ANKMY1: variants seen among roughly 807,000 people sequenced by gnomAD.
ANKMY1 encodes the protein ankyrin repeat and MYND domain-containing protein 1.
Under a neutral mutation model 102.0 loss-of-function variants are expected in ANKMY1, and 98 were observed. The ratio of observed to expected loss-of-function variants is 0.96; its 90% confidence interval spans 0.82 to 1.14. The LOEUF is 1.14. Ranked by LOEUF, ANKMY1 falls within the 50% of genes most tolerant of loss-of-function variation. The pLI, the probability that ANKMY1 is intolerant of heterozygous loss-of-function variation, is 0.00. For missense variants in ANKMY1, 1,330 were observed against 1,347.6 expected (o/e 0.99, Z 0.20); for synonymous variants, 582 against 559.9 (o/e 1.04, Z -0.56).
At chr2:240,510,270 T>TC (rs1411820451) in intron 11 of ANKMY1, among the ~76,000 whole-genome samples, 2 of 117,204 alleles carry the variant, frequency 1.7e-5, no homozygotes, top group Admixed American at 8.8e-5. Context: ...CCTCCCTGCC[T>TC]CCTGCCCTCC....
Position 240,552,646 on chromosome 2 carries a change from GT to G in ANKMY1, c.480+267del, listed in dbSNP as rs1438737357. On this transcript the variant is annotated intron_variant, in intron 4 of 17. Coordinates refer to ENST00000401804, the MANE Select transcript of ANKMY1 (RefSeq NM_001282771.3). ...CAAACATTATGTGTACAGTGATCCA[GT>G]TTACATATTTAAAAATAAACACGTG... is the stretch of plus-strand genomic sequence containing the variant. 1.1e-5 allele frequency: 5 copies of G among 469,752 alleles called. No homozygotes were observed. The East Asian group carries it at 2.2e-4, about 20-fold the overall frequency. 29.1% of individuals were successfully genotyped at this position (469,752 alleles called of 1,614,324 possible).
downstream of ANKMY1, among the ~76,000 whole-genome samples, chr2:240,476,396 A>C (rs2074852862): frequency 6.6e-6 from 1 of 152,236 alleles, no homozygotes; most frequent in Non-Finnish European, 1.5e-5. Context: ...CTCTGCTCAA[A>C]AGATGCCAAC....
intron 3 of ANKMY1, 124 bp downstream of exon 3, chr2:240,554,742 A>T (rs997025611): frequency 1.9e-5 from 22 of 1,134,924 alleles, no homozygotes; most frequent in Non-Finnish European, 2.6e-5. Context: ...AGGAGGAAAA[A>T]CTTTAGCCTA....
At position 240,529,895 on chromosome 2, in the gene ANKMY1, T is replaced by A. The variant is rs889213202; in HGVS notation, c.481-386A>T. ...GGCAGCAGTGGGTGGGGAGGAAGTA[T>A]GCAGGCAGCAGGTCAGGTATGACCC... On this transcript the variant is annotated intron_variant, in intron 4 of 17. Coordinates refer to ENST00000401804, the MANE Select transcript of ANKMY1 (RefSeq NM_001282771.3). This position sits in a 1 kb window ranked among gnomAD's most constrained non-coding sequence, Gnocchi z 4.2. 6.6e-6 allele frequency among the ~76,000 whole-genome samples: 1 copy of A among 151,140 alleles called. No individual in the cohort carries two copies. Among genetic ancestry groups the A allele is most frequent in the African/African-American group, 2.4e-5 (1 of 41,018 alleles).
intron 4 of ANKMY1, among the ~76,000 whole-genome samples, chr2:240,549,478 C>G (rs1291620950): frequency 2.6e-5 from 4 of 152,136 alleles, no homozygotes; most frequent in Admixed American, 6.5e-5. Flanking sequence ...TCTAAAACAC[C>G]AAAAGCAATG....
At chr2:240,483,479 G>A (rs1357765736) in intron 15 of ANKMY1, among the ~76,000 whole-genome samples, 1 of 152,104 alleles carries the variant, frequency 6.6e-6, no homozygotes, top group Non-Finnish European at 1.5e-5. Context: ...TTTATCATGT[G>A]TCTCCTGTAA....
intron 4 of ANKMY1, among the ~76,000 whole-genome samples, chr2:240,544,430 C>G (rs1258691338): frequency 6.6e-6 from 1 of 152,076 alleles, no homozygotes; most frequent in Non-Finnish European, 1.5e-5. Flanking sequence ...TCTTTAAAAC[C>G]TGATAGAACA....
chr2:240,539,685 A>G (rs1249398943), intron 4 of ANKMY1, among the ~76,000 whole-genome samples: 1 of 152,162 alleles, frequency 6.6e-6, no homozygotes, highest in Non-Finnish European at 1.5e-5. Flanking sequence ...AAAGGAACCA[A>G]CTCCTGGAAC....
chr2:240,557,054 T>G, intron 2 of ANKMY1, 136 bp downstream of exon 2: 2 of 1,051,936 alleles, frequency 1.9e-6, no homozygotes, highest in South Asian at 5.8e-5. Flanking sequence ...TGTTGAGGCT[T>G]TCAGATTTCT....
At chr2:240,504,534 G>A (rs1167850519) in intron 13 of ANKMY1, among the ~76,000 whole-genome samples, 2 of 151,726 alleles carry the variant, frequency 1.3e-5, no homozygotes, top group Non-Finnish European at 2.9e-5. Flanking sequence ...ACCCGATAAG[G>A]GATTAACATC....
Position 240,554,894 on chromosome 2 carries a change from T to C in ANKMY1, c.308A>G (p.Tyr103Cys), listed in dbSNP as rs747292915. 9 of 1,614,098 alleles carry C rather than the reference T, an allele frequency of 5.6e-6. No individual in the cohort carries two copies. The highest frequency in any genetic ancestry group is 7.6e-6 in the Non-Finnish European group (9 of 1,179,998). Reference protein sequence around the residue: ...GEFGLNMKLGYGKFSWPTGES... With the variant: ...GEFGLNMKLGCGKFSWPTGES... Reference sequence around the variant, plus strand: ...GCCTGTGGGCCAAGAGAATTTGCCATATCCAAGCTTCATGTTCAACCCAAA... The same window carrying C: ...GCCTGTGGGCCAAGAGAATTTGCCACATCCAAGCTTCATGTTCAACCCAAA... Residue 103 changes from tyrosine (Y) to cysteine (C), a missense_variant, in exon 3 of 18, where the codon TAT (tyrosine) becomes TGT (cysteine). Transcript: ENST00000401804.
In ANKMY1 at chr2:240,479,545, C is replaced by T; in HGVS notation, c.*64G>A. On this transcript the variant is annotated 3_prime_UTR_variant, in exon 18 of 18. Coordinates refer to ENST00000401804, the MANE Select transcript of ANKMY1 (RefSeq NM_001282771.3). ...GGCTGGAAGATTCCCTGAGGTGGCT[C>T]AGGCAGGTAAGAAACCCACACAGTC... The T allele has an allele frequency of 1.3e-6, 2 of 1,571,788 alleles. No individual in the cohort carries two copies. Among genetic ancestry groups the T allele is most frequent in the Non-Finnish European group, 1.7e-6 (2 of 1,143,284 alleles).
chr2:240,493,200 G>C (rs2076847727), intron 15 of ANKMY1, among the ~76,000 whole-genome samples: 1 of 151,944 alleles, frequency 6.6e-6, no homozygotes. Flanking sequence ...GGTGGTGCAT[G>C]CCTGTAATCC....
chr2:240,549,819 C>T (rs1284628090), intron 4 of ANKMY1, among the ~76,000 whole-genome samples: 2 of 152,106 alleles, frequency 1.3e-5, no homozygotes, highest in Non-Finnish European at 2.9e-5. Flanking sequence ...CAATGAGATA[C>T]CATCTCACAC....
At position 240,528,728 on chromosome 2, in the gene ANKMY1, T is replaced by A. The variant is rs2084498000; in HGVS notation, c.953+309A>T. ...TTCTACACCAGCCTCGGGACTCCCCTGGCTGCATGTTCACCAAACCACCTT... is the reference window on the plus strand; with the variant it reads ...TTCTACACCAGCCTCGGGACTCCCCAGGCTGCATGTTCACCAAACCACCTT... On this transcript the variant is annotated intron_variant, in intron 5 of 17. Coordinates refer to ENST00000401804, the MANE Select transcript of ANKMY1 (RefSeq NM_001282771.3). Among the ~76,000 whole-genome samples the A allele has an allele frequency of 2.0e-5, 3 of 152,146 alleles. No individual in the cohort carries two copies. The South Asian group carries it at 6.2e-4, about 32-fold the overall frequency.
At position 240,482,202 on chromosome 2, in the gene ANKMY1, C is replaced by T; in HGVS notation, c.2866G>A (p.Asp956Asn). The T allele has an allele frequency of 6.2e-7, 1 of 1,612,628 alleles. No homozygotes were observed. The highest frequency in any genetic ancestry group is 8.5e-7 in the Non-Finnish European group (1 of 1,179,292). Residue 956 changes from aspartate to asparagine, a missense_variant, in exon 16 of 18, where the codon GAT becomes AAT. Physicochemically the swap from Asp to Asn is conservative, Grantham distance 23 (BLOSUM62 1). Coordinates refer to ENST00000401804, the MANE Select transcript of ANKMY1 (RefSeq NM_001282771.3). ...KKGPSLPRGL[D>N]VKEQGQIPFF... The stretch of plus-strand genomic sequence containing the variant: ...ACTTACTGCCCCTGCTCCTTCACAT[C>T]CAGGCCCCTGGGCAGGCTGGGGCCC...
chr2:240,483,939 G>C (rs1170503632), intron 15 of ANKMY1, among the ~76,000 whole-genome samples: 2 of 152,096 alleles, frequency 1.3e-5, no homozygotes, highest in Admixed American at 6.5e-5. Flanking sequence ...TGAGGTGTTT[G>C]GTTTTCTGTT....
rs759160121 is a variant in ANKMY1 at position 240,525,826 on chromosome 2, G to T, written c.1194C>A (p.Val398=). 2.5e-6 allele frequency: 4 copies of T among 1,614,110 alleles called. No homozygotes were observed. The Admixed American group carries it at 5.0e-5, about 20-fold the overall frequency. The change falls in exon 7 of 18, where the codon GTC becomes GTA. Residue 398 remains valine (V), a synonymous_variant. Coordinates refer to ENST00000401804, the MANE Select transcript of ANKMY1 (RefSeq NM_001282771.3). ...AAATHCHNDI[V]NLLLDCGADV... is the part of the protein sequence containing the mutation. ...CGGCCCCACAGTCCAGGAGAAGGTT[G>T]ACAATGTCGTTGTGGCAGTGAGTCT... is the stretch of plus-strand genomic sequence containing the variant.
At chr2:240,491,402 A>G (rs899260291) in intron 15 of ANKMY1, among the ~76,000 whole-genome samples, 1 of 152,092 alleles carries the variant, frequency 6.6e-6, no homozygotes, top group Admixed American at 6.6e-5. Context: ...ATTGTTTCAT[A>G]TACTTCTTGT....
Sources: gnomAD v4.1 joint callset for allele counts (sites outside exome capture counted in the v4.1 genomes callset) on GRCh38, gnomAD v4.1.1 for gene constraint, Gnocchi (gnomAD v3.1) non-coding constraint, MANE v1.5 for transcripts, NCBI Gene and HGNC (gene_info 2026-07-23, HGNC 2026-07-21) for gene names.